The following PDE4D variants were observed in gnomAD, a reference collection of about 807,000 sequenced individuals.
PDE4D encodes phosphodiesterase 4D.
Under a neutral mutation model 87.4 loss-of-function variants are expected in PDE4D, and 24 were observed. The observed-to-expected ratio is 0.27, with a 90% CI of 0.20 to 0.39. PDE4D has a LOEUF of 0.39. Among genes scored for constraint, PDE4D ranks in the 10% least tolerant of loss-of-function variants. The pLI is 1.00. For missense variants in PDE4D, 714 were observed against 1,041.0 expected, an observed-to-expected ratio of 0.69 and a Z score of 4.32; for synonymous variants, 384 against 383.2, an observed-to-expected ratio of 1.00 and a Z score of -0.02.
At chr5:59,053,633 G>GT (rs1761871402) in intron 5 of PDE4D, among the ~76,000 whole-genome samples, 2 of 93,862 alleles carry the variant, frequency 2.1e-5, no homozygotes, top group African/African-American at 4.6e-5. Flanking sequence ...GAATTAAGTT[G>GT]TTTTGTTTTT....
intron 2 of PDE4D, among the ~76,000 whole-genome samples, chr5:60,096,245 A>T (rs1030183837): frequency 3.3e-5 from 5 of 152,026 alleles, no homozygotes; most frequent in Admixed American, 6.6e-5. Context: ...TAGAAGCCTC[A>T]GAAATAACTC....
chr5:59,587,714 G>T, intron 1 of PDE4D: 3 of 570,766 alleles, frequency 5.3e-6, no homozygotes, highest in Non-Finnish European at 6.6e-6. Flanking sequence ...CCCAGACATT[G>T]CAGAGCCGCG....
chr5:59,932,493 A>G (rs1171722647), intron 3 of PDE4D, among the ~76,000 whole-genome samples: 2 of 152,214 alleles, frequency 1.3e-5, no homozygotes, highest in Admixed American at 6.5e-5. Context: ...AGCTACTATT[A>G]TTAAGTCCTC....
rs1241061037 is a variant in PDE4D at position 60,383,101 on chromosome 5, C to A, written c.-90+104841G>T. 2.0e-5 allele frequency among the ~76,000 whole-genome samples: 3 copies of A among 151,838 alleles called. 1 individual carries two copies. In the South Asian group the frequency reaches 6.2e-4, roughly 31 times the overall value. On this transcript the variant is annotated intron_variant, in intron 1 of 16. Transcript: ENST00000502484. ...AGAAAACACCACATTCTATAATTAT[C>A]ATTTTATTTACATGTGTCATGTTTA...
intron 1 of PDE4D, among the ~76,000 whole-genome samples, chr5:59,830,459 A>G (rs1741013430): frequency 6.6e-6 from 1 of 152,134 alleles, no homozygotes; most frequent in South Asian, 2.1e-4. Flanking sequence ...ATTCATTCCA[A>G]ACTAATCTTT....
intron 1 of PDE4D, among the ~76,000 whole-genome samples, chr5:60,197,070 T>TAGATGGAC: frequency 8.1e-6 from 1 of 123,020 alleles, no homozygotes; most frequent in South Asian, 2.8e-4. Flanking sequence ...GATAGATAGA[T>TAGATGGAC]AGACAGTTAG....
At chr5:60,316,779 C>G (rs890281617) in intron 1 of PDE4D, among the ~76,000 whole-genome samples, 2 of 152,102 alleles carry the variant, frequency 1.3e-5, no homozygotes, top group Non-Finnish European at 2.9e-5. Flanking sequence ...TGTTTATATG[C>G]TGGATTATGT....
intron 1 of PDE4D, among the ~76,000 whole-genome samples, chr5:60,298,780 A>T (rs1753639631): frequency 6.6e-6 from 1 of 152,194 alleles, no homozygotes; most frequent in Non-Finnish European, 1.5e-5. Flanking sequence ...TTTCTATACG[A>T]CCTTTGCAAA....
intron 1 of PDE4D, among the ~76,000 whole-genome samples, chr5:59,793,493 T>A (rs1766061167): frequency 6.6e-6 from 1 of 152,236 alleles, no homozygotes; most frequent in East Asian, 1.9e-4. Flanking sequence ...CCAACTTCAC[T>A]GGCAGTTACC....
chr5:60,478,606 C>A (rs1434646775), intron 1 of PDE4D, among the ~76,000 whole-genome samples: 1 of 152,164 alleles, frequency 6.6e-6, no homozygotes, highest in African/African-American at 2.4e-5. Context: ...TCTATTCATG[C>A]TTTTGTATTG....
chr5:59,739,421 A>AAAC (rs977202467), intron 1 of PDE4D, among the ~76,000 whole-genome samples: 1 of 152,094 alleles, frequency 6.6e-6, no homozygotes, highest in Non-Finnish European at 1.5e-5. Context: ...CTCTGTGTCA[A>AAAC]AACAACAACA....
At chr5:59,012,250 G>A (rs1446877949) in intron 6 of PDE4D, among the ~76,000 whole-genome samples, 4 of 151,980 alleles carry the variant, frequency 2.6e-5, no homozygotes, top group Non-Finnish European at 5.9e-5. Flanking sequence ...TCAACTAATG[G>A]GCAAAATAAC....
chr5:59,368,354 A>G (rs1459471954), intron 1 of PDE4D, among the ~76,000 whole-genome samples: 6 of 152,220 alleles, frequency 3.9e-5, no homozygotes, highest in Non-Finnish European at 8.8e-5. Context: ...ATTAAAAATC[A>G]AAAATTGTCC....
At chr5:59,174,476 T>C in intron 5 of PDE4D, 1 of 152,674 alleles carries the variant, frequency 6.5e-6, no homozygotes, top group East Asian at 1.9e-4. Flanking sequence ...ACCGCTCCTG[T>C]AGAAGAATTT....
chr5:59,246,092 G>A lies in PDE4D; in HGVS notation c.456-30124C>T, dbSNP rs200169051. Among the ~76,000 whole-genome samples, 58 of 151,670 alleles carry A rather than the reference G, an allele frequency of 3.8e-4. No homozygotes were observed. In the East Asian group the frequency reaches 0.011, roughly 28 times the overall value. On this transcript the variant is annotated intron_variant, in intron 1 of 14. Coordinates refer to ENST00000340635, the MANE Select transcript of PDE4D (RefSeq NM_001104631.2). The stretch of plus-strand genomic sequence containing the variant: ...TCTGCTTAAACAACAACTACACTTC[G>A]AAAATCCTTTATTTTTCCTGATGAG...
chr5:59,795,324 G>A (rs1766337668), intron 1 of PDE4D, among the ~76,000 whole-genome samples: 1 of 152,172 alleles, frequency 6.6e-6, no homozygotes. Flanking sequence ...TTTGGACACA[G>A]AACAGGAAGA....
intron 1 of PDE4D, among the ~76,000 whole-genome samples, chr5:59,503,393 T>C (rs1808673823): frequency 6.6e-6 from 1 of 152,202 alleles, no homozygotes; most frequent in African/African-American, 2.4e-5. Flanking sequence ...CACTGCTGGT[T>C]CACAGCAAAG....
rs191131494 is a variant in PDE4D, at chr5:60,443,060, C to T, written c.-90+44882G>A. Among the ~76,000 whole-genome samples, 12 of 152,034 alleles carry T rather than the reference C, an allele frequency of 7.9e-5. No homozygotes were observed. In the East Asian group the frequency reaches 1.2e-3, roughly 15 times the overall value. ...AAACAGAAAATAAAACAGAAAGATA[C>T]GAGCAAATAGACAGTTGAGTGTGAT... is the stretch of plus-strand genomic sequence containing the variant. On this transcript the variant is annotated intron_variant, in intron 1 of 16. Transcript: ENST00000502484.
rs141178458 is a variant in PDE4D, at chr5:60,020,534, CATAT to C, written c.43-31821_43-31818del. ...CACAAACATACAGGCTGTATGTATA[CATAT>C]ACACACACACAGCCTATTGGTTCTA... is the stretch of plus-strand genomic sequence containing the variant. On this transcript the variant is annotated intron_variant, in intron 2 of 16. Coordinates refer to the PDE4D transcript ENST00000502484. 3.7e-3 allele frequency among the ~76,000 whole-genome samples: 570 copies of C among 152,192 alleles called. 5 individuals are homozygous for C. Among genetic ancestry groups the C allele is most frequent in the African/African-American group, 0.013 (538 of 41,520 alleles).
Sources: gnomAD v4.1 joint callset for allele counts (sites outside exome capture counted in the v4.1 genomes callset) on GRCh38, gnomAD v4.1.1 for gene constraint, MANE v1.5 for transcripts, NCBI Gene and HGNC (gene_info 2026-07-23, HGNC 2026-07-21) for gene names.